The following BNIPL variants were observed in gnomAD, a reference collection of about 807,000 sequenced individuals.
The protein encoded by BNIPL is bcl-2/adenovirus E1B 19 kDa-interacting protein 2-like protein.
BNIPL carries 33 observed loss-of-function variants against 47.0 expected under a neutral mutation model. That is an observed-to-expected ratio of 0.70 (90% CI 0.53 to 0.94). The LOEUF (loss-of-function observed/expected upper bound fraction) is 0.94. BNIPL is among the 40% of genes least tolerant of loss of function. BNIPL has a pLI of 0.00. For synonymous variants in BNIPL, 145 were observed against 162.7 expected (o/e 0.89, Z 0.83); for missense variants, 404 against 445.2 (o/e 0.91, Z 0.83).
chr1:151,041,309 A>T (rs1197396993), intron 4 of BNIPL, among the ~76,000 whole-genome samples: 1 of 152,216 alleles, frequency 6.6e-6, no homozygotes, highest in Non-Finnish European at 1.5e-5. Context: ...GGTGAGAAAT[A>T]CTAAGAACCC....
At chr1:151,039,192 A>C (rs587764917) in intron 4 of BNIPL, among the ~76,000 whole-genome samples, 166 bp downstream of exon 4, 1 of 152,308 alleles carries the variant, frequency 6.6e-6, no homozygotes, top group Non-Finnish European at 1.5e-5. Flanking sequence ...GTCCAATGTG[A>C]GAGTAGTCAG....
At chr1:151,042,189 C>G (rs920251948) in intron 4 of BNIPL, among the ~76,000 whole-genome samples, 1 of 152,002 alleles carries the variant, frequency 6.6e-6, no homozygotes. Context: ...CATGAGTGAT[C>G]TTCCCACCTT....
chr1:151,041,908 G>A (rs948846953), intron 4 of BNIPL, among the ~76,000 whole-genome samples: 3 of 152,042 alleles, frequency 2.0e-5, no homozygotes, highest in Admixed American at 2.0e-4. Context: ...CTGGGAGGCG[G>A]AGGTTGCAGT....
intron 2 of BNIPL, 119 bp downstream of exon 2, chr1:151,037,781 A>G: frequency 4.0e-6 from 3 of 756,258 alleles, no homozygotes; most frequent in Non-Finnish European, 6.5e-6. Flanking sequence ...CGGGTGGATC[A>G]CCTGAGGTCA....
Position 151,038,795 on chromosome 1 carries a change from G to C in BNIPL, c.203-1G>C. ...GGTTCTCTTTTTCCCCCTTTCTCCA[G>C]CTGCAGGTACCCCCAGCACTTTAGC... On this transcript the variant is annotated splice_acceptor_variant, in intron 3 of 9. Coordinates refer to ENST00000368931, the MANE Select transcript of BNIPL (RefSeq NM_138278.4). LOFTEE classifies it high-confidence loss of function. 1 of 1,571,236 alleles carries C rather than the reference G, an allele frequency of 6.4e-7. No individual in the cohort carries two copies. Among genetic ancestry groups the C allele is most frequent in the Non-Finnish European group, 8.6e-7 (1 of 1,158,420 alleles).
At chr1:151,041,135 A>G (rs1043119935) in intron 4 of BNIPL, among the ~76,000 whole-genome samples, 1 of 152,140 alleles carries the variant, frequency 6.6e-6, no homozygotes, top group African/African-American at 2.4e-5. Context: ...TAGTGAGCCA[A>G]GATCATGCCA....
chr1:151,039,058 G>T, intron 4 of BNIPL, 32 bp downstream of exon 4: 1 of 1,535,274 alleles, frequency 6.5e-7, no homozygotes, highest in Non-Finnish European at 8.8e-7. Flanking sequence ...TCAGCTGGTA[G>T]AAGTAGAGGC....
intron 1 of BNIPL, 45 bp downstream of exon 1, chr1:151,036,811 A>T (rs1675614516): frequency 6.4e-7 from 1 of 1,555,354 alleles, no homozygotes; most frequent in Non-Finnish European, 8.9e-7. Context: ...GTGAATAAAC[A>T]GTCCGGAGAG....
chr1:151,041,907 G>A (rs587650162), intron 4 of BNIPL, among the ~76,000 whole-genome samples: 134 of 152,052 alleles, frequency 8.8e-4, no homozygotes, highest in Non-Finnish European at 1.5e-3. Context: ...CCTGGGAGGC[G>A]GAGGTTGCAG....
chr1:151,046,404 G>A (rs1363307487), intron 9 of BNIPL, among the ~76,000 whole-genome samples: 1 of 151,548 alleles, frequency 6.6e-6, no homozygotes, highest in Non-Finnish European at 1.5e-5. Flanking sequence ...GAGGCAATAA[G>A]GAATAAAGGA....
At chr1:151,044,908 C>G (rs746783607) in intron 7 of BNIPL, 25 of 1,289,488 alleles carry the variant, frequency 1.9e-5, no homozygotes, top group Non-Finnish European at 2.4e-5. Flanking sequence ...GGTCATGGAG[C>G]GATGTAGAAG....
rs1046626720 is a variant in BNIPL at position 151,044,854 on chromosome 1, G to A, written c.852-943G>A. ...TCTTCTTGCCCCCTTTCCTTTTTTCGTCCTTGCTGGTCTTCTTCCACCTAG... is the reference window on the plus strand; with the variant it reads ...TCTTCTTGCCCCCTTTCCTTTTTTCATCCTTGCTGGTCTTCTTCCACCTAG... On this transcript the variant is annotated intron_variant, in intron 7 of 9. Coordinates refer to ENST00000368931, the MANE Select transcript of BNIPL (RefSeq NM_138278.4). The A allele has an allele frequency of 3.9e-5, 50 of 1,279,754 alleles. 1 individual carries two copies. The highest frequency in any genetic ancestry group is 1.1e-4 in the East Asian group (2 of 17,656). The allele number at this position is 1,279,754 out of a possible 1,614,324, so 79.3% of individuals were successfully genotyped here.
chr1:151,046,908 C>G lies in BNIPL; in HGVS notation c.*221C>G, dbSNP rs1330929324. ...GTGACTTTCATTCCAGTTGCTGGGA[C>G]GGAAGGCTGAATGTAGGGTCATTTT... On this transcript the variant is annotated 3_prime_UTR_variant, in exon 10 of 10. Transcript: ENST00000368931. 2.2e-6 allele frequency: 1 copy of G among 458,266 alleles called. No homozygotes were observed. The highest frequency in any genetic ancestry group is 3.9e-6 in the Non-Finnish European group (1 of 258,696). 28.4% of individuals were successfully genotyped at this position (458,266 alleles called of 1,614,324 possible).
chr1:151,044,601 A>G (rs1467340012), intron 7 of BNIPL, among the ~76,000 whole-genome samples: 1 of 151,910 alleles, frequency 6.6e-6, no homozygotes, highest in Non-Finnish European at 1.5e-5. Context: ...CGCCACCACC[A>G]TGCCTAGCTA....
chr1:151,046,634 C>T lies in BNIPL; in HGVS notation c.1038-17C>T. The T allele has an allele frequency of 6.2e-7, 1 of 1,601,308 alleles. No individual in the cohort carries two copies. Among genetic ancestry groups the T allele is most frequent in the Non-Finnish European group, 8.6e-7 (1 of 1,168,586 alleles). On this transcript the variant is annotated splice_polypyrimidine_tract_variant and intron_variant, in intron 9 of 9. Transcript: ENST00000368931. ...ACCCCCTGAACCACTTCTCTCCTCC[C>T]CCTCTCCCTCTCCTAGGCTGGACCG...
intron 9 of BNIPL, among the ~76,000 whole-genome samples, 184 bp from the exon 10 acceptor site, chr1:151,046,467 G>A (rs1002214386): frequency 4.0e-5 from 6 of 149,018 alleles, no homozygotes; most frequent in Admixed American, 3.3e-4. Flanking sequence ...AGGAAGAGAT[G>A]TGTTGGCAGT....
rs1362745953 is a variant in BNIPL at position 151,046,620 on chromosome 1, C to G, written c.1038-31C>G. 3.2e-6 allele frequency: 5 copies of G among 1,581,816 alleles called. No individual in the cohort carries two copies. In the Admixed American group the frequency reaches 8.4e-5, roughly 27 times the overall value. On this transcript the variant is annotated intron_variant, in intron 9 of 9. Coordinates refer to ENST00000368931, the MANE Select transcript of BNIPL (RefSeq NM_138278.4). ...AAAACCCAAGTCCTACCCCCTGAAC[C>G]ACTTCTCTCCTCCCCCTCTCCCTCT...
Position 151,047,509 on chromosome 1 carries a change from G to A in BNIPL, c.*822G>A, listed in dbSNP as rs889473368. 7.4e-6 allele frequency: 2 copies of A among 270,604 alleles called. No homozygotes were observed. 16.8% of individuals were successfully genotyped at this position (270,604 alleles called of 1,614,324 possible). On this transcript the variant is annotated 3_prime_UTR_variant, in exon 10 of 10. Transcript: ENST00000368931. ...GCTGCCTGTGAGCCTGGGAAGGAGT[G>A]CTTTCAAAACCTGTATTTTTGCCCT... is the stretch of plus-strand genomic sequence containing the variant.
chr1:151,037,623 T>C lies in BNIPL; in HGVS notation c.98T>C (p.Leu33Ser). The part of the protein sequence containing the change: ...ELGAALRHGE[L>S]ELKEEWQDEE... ...GGAGCAGCCCTGAGACATGGGGAGT[T>C]GGAGCTGAAGGAGGAATGGCAGGAT... The change falls in exon 2 of 10, where the codon TTG becomes TCG. Residue 33 changes from leucine (L) to serine (S), a missense_variant. Leu to Ser is a moderately radical substitution (Grantham distance 145). Transcript: ENST00000368931. 6.2e-7 allele frequency: 1 copy of C among 1,606,654 alleles called. No homozygotes were observed. The highest frequency in any genetic ancestry group is 8.5e-7 in the Non-Finnish European group (1 of 1,176,368).
Sources: allele counts gnomAD v4.1 joint callset (sites outside exome capture counted in the v4.1 genomes callset), GRCh38; gene constraint gnomAD v4.1.1; transcripts MANE v1.5; gene names NCBI Gene and HGNC (gene_info 2026-07-23, HGNC 2026-07-21).